LINC00632: variants seen among roughly 807,000 people sequenced by gnomAD.
The protein encoded by LINC00632 is ALDOA related specific transcript.
chrX:140,713,999 C>G (rs1268898915), intron 2 of LINC00632: 9 of 254,505 alleles, frequency 3.5e-5, no homozygotes, highest in African/African-American at 2.6e-4. Context: ...AGACTCACCC[C>G]ACAGCACACA....
chrX:140,784,178 G>A (rs771043866), exon 5 of LINC00632: 2 of 1,208,367 alleles, frequency 1.7e-6, no homozygotes, highest in Admixed American at 4.4e-5. Context: ...GGTCTTCCAG[G>A]AAATCCGTGT....
At chrX:140,723,363 CACACACATTCCAT>C (rs1198671706) in intron 2 of LINC00632, among the ~76,000 whole-genome samples, 19 of 5,401 alleles carry the variant, frequency 3.5e-3, no homozygotes, top group African/African-American at 7.5e-3. Flanking sequence ...ATTCCACACA[CACACACATTCCAT>C]ACACACACAT....
At chrX:140,748,110 G>A (rs1460536543) in intron 3 of LINC00632, among the ~76,000 whole-genome samples, 1 of 111,915 alleles carries the variant, frequency 8.9e-6, no homozygotes, top group Non-Finnish European at 1.9e-5. Context: ...TTACAGGTGT[G>A]AGCCACCATG....
intron 2 of LINC00632, among the ~76,000 whole-genome samples, chrX:140,732,765 C>CT (rs1242982776): frequency 0.019 from 1,904 of 101,643 alleles, 46 homozygotes; most frequent in African/African-American, 0.06. Flanking sequence ...GTGGCTATGA[C>CT]TTTTTTTTTT....
At chrX:140,731,654 G>A (rs1030728885) in intron 2 of LINC00632, among the ~76,000 whole-genome samples, 5 of 111,882 alleles carry the variant, frequency 4.5e-5, no homozygotes, top group Non-Finnish European at 9.4e-5. Context: ...CACCCAATGC[G>A]TGAATATATG....
chrX:140,722,240 A>G (rs1403709166), intron 2 of LINC00632, among the ~76,000 whole-genome samples: 3 of 109,893 alleles, frequency 2.7e-5, no homozygotes, highest in African/African-American at 1.0e-4. Context: ...ATAAACAAAC[A>G]TGCCCTCTAA....
At position 140,742,873 on chromosome X, in the gene LINC00632, G is replaced by A. The variant is rs747530965; in HGVS notation, n.191+8909G>A. Among the ~76,000 whole-genome samples, 779 of 94,926 alleles carry A rather than the reference G, an allele frequency of 8.2e-3. 17 individuals carry two copies. The highest frequency in any genetic ancestry group is 0.032 in the African/African-American group (743 of 22,940). 82.4% of individuals were successfully genotyped at this position (94,926 alleles called of 115,157 possible). ...AGAGAGAGAGAGAGAGAGAGAGAGA[G>A]AGAGAGGAAGGAAGGAAGGAAGGAA... On this transcript the variant is annotated intron_variant and non_coding_transcript_variant, in intron 3 of 4. Transcript: ENST00000648200.
intron 3 of LINC00632, among the ~76,000 whole-genome samples, chrX:140,742,888 G>GAAGA (rs1931257048): frequency 1.0e-5 from 1 of 97,598 alleles, no homozygotes; most frequent in Non-Finnish European, 2.0e-5. Context: ...AGGAAGGAAG[G>GAAGA]AAGGAAGGAA....
At chrX:140,774,280 C>T (rs192751624) in exon 4 of LINC00632, among the ~76,000 whole-genome samples, 42 of 112,125 alleles carry the variant, frequency 3.7e-4, no homozygotes, top group Middle Eastern at 9.2e-3. Context: ...GAAAGAGATC[C>T]TTTGGTGGGC....
chrX:140,739,630 A>G (rs1351127065), intron 3 of LINC00632, among the ~76,000 whole-genome samples: 1 of 111,751 alleles, frequency 8.9e-6, no homozygotes, highest in Non-Finnish European at 1.9e-5. Flanking sequence ...TTAATTTTAT[A>G]CTTACTAATG....
exon 5 of LINC00632, among the ~76,000 whole-genome samples, chrX:140,788,425 C>T (rs1356657287): frequency 9.1e-6 from 1 of 110,353 alleles, no homozygotes; most frequent in Non-Finnish European, 1.9e-5. Context: ...CCTTTCTGTA[C>T]ATTTGTCTTT....
chrX:140,713,557 A>G, intron 2 of LINC00632: 1 of 342,935 alleles, frequency 2.9e-6, no homozygotes, highest in South Asian at 2.6e-5. Flanking sequence ...TTGTGTCCGC[A>G]GTATACAAAC....
At chrX:140,735,528 T>C (rs1931130174) in intron 3 of LINC00632, among the ~76,000 whole-genome samples, 1 of 111,588 alleles carries the variant, frequency 9.0e-6, no homozygotes, top group Non-Finnish European at 1.9e-5. Flanking sequence ...AATATGTCTT[T>C]GCCAATACGA....
exon 5 of LINC00632, among the ~76,000 whole-genome samples, chrX:140,788,796 A>G (rs1932058380): frequency 9.6e-6 from 1 of 103,850 alleles, no homozygotes; most frequent in Admixed American, 1.0e-4. Flanking sequence ...TATATTCCAT[A>G]TATACACATA....
chrX:140,759,289 TTTCCTTCCTTCCTTCCTTCC>T (rs796485491), intron 3 of LINC00632, among the ~76,000 whole-genome samples: 164 of 79,596 alleles, frequency 2.1e-3, no homozygotes, highest in African/African-American at 5.2e-3. Context: ...TCTTTCTTTC[TTTCCTTCCTTCCTTCCTTCC>T]TTCCTTCCTT....
chrX:140,764,672 T>C (rs1931655714), intron 3 of LINC00632: 1 of 111,670 alleles, frequency 9.0e-6, no homozygotes, highest in African/African-American at 3.3e-5. Flanking sequence ...GGAGAGGAGA[T>C]TGCGTGGCTC....
At chrX:140,776,657 G>C (rs989113877) in exon 5 of LINC00632, among the ~76,000 whole-genome samples, 1 of 112,126 alleles carries the variant, frequency 8.9e-6, no homozygotes, top group Non-Finnish European at 1.9e-5. Context: ...TGCCGGAGAG[G>C]ATGTGGAGAA....
intron 3 of LINC00632, among the ~76,000 whole-genome samples, chrX:140,736,900 CT>C (rs757869831): frequency 6.5e-4 from 61 of 94,408 alleles, no homozygotes; most frequent in Non-Finnish European, 8.7e-4. Flanking sequence ...TTTTTCTTTT[CT>C]TTTTTTTTTT....
intron 3 of LINC00632, among the ~76,000 whole-genome samples, chrX:140,746,860 T>C (rs762379279): frequency 1.8e-5 from 2 of 111,976 alleles, no homozygotes; most frequent in African/African-American, 6.5e-5. Flanking sequence ...TTTACTGTTC[T>C]AACTCCTTTC....
Sources: gnomAD v4.1 joint callset for allele counts (sites outside exome capture counted in the v4.1 genomes callset) on GRCh38, gnomAD v4.1.1 for gene constraint, MANE v1.5 for transcripts, NCBI Gene and HGNC (gene_info 2026-07-23, HGNC 2026-07-21) for gene names.